Variants in CDK6 observed in about 807,000 individuals in gnomAD.
CDK6 encodes the protein cyclin dependent kinase 6.
A neutral mutation model predicts 37.1 loss-of-function variants in CDK6; 6 were observed. The ratio of observed to expected loss-of-function variants is 0.16; its 90% CI spans 0.09 to 0.32. CDK6 has a LOEUF of 0.32. Ranked by LOEUF, CDK6 falls within the 10% of genes least tolerant of loss-of-function variation. The pLI, the probability that CDK6 is intolerant of heterozygous loss-of-function variation, is 1.00. For missense variants in CDK6, 224 were observed against 418.9 expected (o/e 0.53, Z 4.06); for synonymous variants, 160 against 161.3 (o/e 0.99, Z 0.06).
chr7:92,716,355 A>G (rs1403231293), intron 4 of CDK6, among the ~76,000 whole-genome samples: 1 of 152,216 alleles, frequency 6.6e-6, no homozygotes, highest in Non-Finnish European at 1.5e-5. Context: ...GTTGGAGCTG[A>G]GCTTCAAAAA....
chr7:92,787,527 A>G (rs1254704559), intron 2 of CDK6, among the ~76,000 whole-genome samples: 2 of 152,052 alleles, frequency 1.3e-5, no homozygotes, highest in East Asian at 3.9e-4. Context: ...TAGAATATAA[A>G]TTTTTTGTTT....
chr7:92,823,128 T>C (rs576112404), intron 2 of CDK6, among the ~76,000 whole-genome samples: 1 of 151,976 alleles, frequency 6.6e-6, no homozygotes, highest in East Asian at 1.9e-4. Flanking sequence ...ATACCATCTT[T>C]CCTAAACAAA....
intron 4 of CDK6, among the ~76,000 whole-genome samples, chr7:92,686,572 T>C (rs1012473295): frequency 6.6e-6 from 1 of 152,166 alleles, no homozygotes; most frequent in African/African-American, 2.4e-5. Context: ...TTTGCAATTG[T>C]GAACTGTGCT....
At chr7:92,814,282 G>T (rs1800965847) in intron 2 of CDK6, among the ~76,000 whole-genome samples, 1 of 152,108 alleles carries the variant, frequency 6.6e-6, no homozygotes, top group South Asian at 2.1e-4. Context: ...TTCAATTATG[G>T]ATCCTCTCCA....
chr7:92,815,889 C>A (rs1160792724), intron 2 of CDK6, among the ~76,000 whole-genome samples: 1 of 152,054 alleles, frequency 6.6e-6, no homozygotes, highest in Non-Finnish European at 1.5e-5. Context: ...CCAGAGCTCA[C>A]AGAGGGCAGA....
chr7:92,770,886 G>A lies in CDK6; in HGVS notation c.369+3810C>T, dbSNP rs190349170. Among the ~76,000 whole-genome samples, 9 of 152,166 alleles carry A rather than the reference G, an allele frequency of 5.9e-5. No homozygotes were observed. In the East Asian group the frequency reaches 1.7e-3, roughly 29 times the overall value. The stretch of plus-strand genomic sequence containing the variant: ...AAGTGGGTAGAGGAAAATCCCCTGA[G>A]CTTAAATGATCTTAGATGAGGTCTT... On this transcript the variant is annotated intron_variant, in intron 3 of 7. Coordinates refer to ENST00000424848, the MANE Select transcript of CDK6 (RefSeq NM_001145306.2).
intron 4 of CDK6, among the ~76,000 whole-genome samples, chr7:92,701,003 C>T (rs11981904): frequency 4.6e-5 from 7 of 152,344 alleles, no homozygotes; most frequent in African/African-American, 1.7e-4. Flanking sequence ...AAGAGGCAGA[C>T]GACAGAGACA....
At chr7:92,803,533 G>A (rs1227063861) in intron 2 of CDK6, among the ~76,000 whole-genome samples, 4 of 152,192 alleles carry the variant, frequency 2.6e-5, no homozygotes, top group Non-Finnish European at 5.9e-5. Flanking sequence ...AGCAGGCTCC[G>A]TTTGAGAGCC....
At chr7:92,629,339 A>C (rs1796001548) in intron 5 of CDK6, among the ~76,000 whole-genome samples, 2 of 152,090 alleles carry the variant, frequency 1.3e-5, no homozygotes, top group African/African-American at 2.4e-5. Context: ...TACCGATGTG[A>C]ATAATTTATT....
chr7:92,706,426 A>G (rs1208050999), intron 4 of CDK6, among the ~76,000 whole-genome samples: 2 of 152,232 alleles, frequency 1.3e-5, no homozygotes, highest in Admixed American at 1.3e-4. Flanking sequence ...TTTTGACTAC[A>G]GTAGGGAAAG....
intron 3 of CDK6, among the ~76,000 whole-genome samples, chr7:92,739,649 G>A (rs575370899): frequency 6.6e-6 from 1 of 152,254 alleles, no homozygotes; most frequent in Non-Finnish European, 1.5e-5. Context: ...CCCTTGCCAA[G>A]TAGTCAGTAT....
chr7:92,651,031 A>G (rs1796562032), intron 5 of CDK6, among the ~76,000 whole-genome samples: 1 of 152,102 alleles, frequency 6.6e-6, no homozygotes, highest in Non-Finnish European at 1.5e-5. Context: ...CTGGGACTAC[A>G]GGCATGCGCC....
chr7:92,743,562 G>A (rs569004687), intron 3 of CDK6, among the ~76,000 whole-genome samples: 1 of 152,156 alleles, frequency 6.6e-6, no homozygotes, highest in African/African-American at 2.4e-5. Flanking sequence ...GATGTGAACA[G>A]GCACTTCACA....
chr7:92,714,790 GTT>G (rs3831550), intron 4 of CDK6, among the ~76,000 whole-genome samples: 3 of 147,558 alleles, frequency 2.0e-5, no homozygotes, highest in East Asian at 3.9e-4. Flanking sequence ...AAGTTTTACA[GTT>G]TTTTTTTTTC....
In CDK6 at chr7:92,612,702, T is replaced by G. The variant is rs1419811973; in HGVS notation, c.*2438A>C. 4 of 233,054 alleles carry G rather than the reference T, an allele frequency of 1.7e-5. No individual in the cohort carries two copies. Among genetic ancestry groups the G allele is most frequent in the Middle Eastern group, 1.2e-3 (1 of 808 alleles). 14.4% of individuals were successfully genotyped at this position (233,054 alleles called of 1,614,324 possible). On this transcript the variant is annotated 3_prime_UTR_variant, in exon 8 of 8. Coordinates refer to ENST00000424848, the MANE Select transcript of CDK6 (RefSeq NM_001145306.2). ...CAAAAGCAGATGCTAGGAATAAAAG[T>G]TGAGCTCTCTACTCATTTAAAATTC...
chr7:92,790,995 T>G (rs919893975), intron 2 of CDK6, among the ~76,000 whole-genome samples: 7 of 152,132 alleles, frequency 4.6e-5, no homozygotes, highest in African/African-American at 1.7e-4. Flanking sequence ...CCCAATCTGA[T>G]GACATGGGTA....
chr7:92,632,842 T>C (rs1796083752), intron 5 of CDK6, among the ~76,000 whole-genome samples: 2 of 151,510 alleles, frequency 1.3e-5, no homozygotes, highest in East Asian at 1.9e-4. Context: ...ATTTGGAAAA[T>C]AGAGTAAATA....
At chr7:92,783,729 G>A (rs1308766931) in intron 2 of CDK6, among the ~76,000 whole-genome samples, 1 of 152,098 alleles carries the variant, frequency 6.6e-6, no homozygotes, top group Non-Finnish European at 1.5e-5. Flanking sequence ...AGTAAATTTT[G>A]AAAATAGAGC....
rs151020762 is a variant in CDK6, at chr7:92,757,649, T to C, written c.369+17047A>G. Among the ~76,000 whole-genome samples, 462 of 152,298 alleles carry C rather than the reference T, an allele frequency of 3.0e-3. 8 individuals carry two copies. Among genetic ancestry groups the C allele is most frequent in the African/African-American group, 9.9e-3 (413 of 41,570 alleles). On this transcript the variant is annotated intron_variant, in intron 3 of 7. Transcript: ENST00000424848. ...TGTGTCTTTATGGTAGAATGATTCA[T>C]TATTCCTCTGGGTATACACCCAGTA...
Sources: gnomAD v4.1 joint callset for allele counts (sites outside exome capture counted in the v4.1 genomes callset) on GRCh38, gnomAD v4.1.1 for gene constraint, MANE v1.5 for transcripts, NCBI Gene and HGNC (gene_info 2026-07-23, HGNC 2026-07-21) for gene names.